The following CHN1 variants were observed in gnomAD, a reference collection of about 807,000 sequenced individuals.
The protein encoded by CHN1 is N-chimaerin.
In CHN1, 37 loss-of-function variants were observed where a neutral mutation model predicts 59.5. The ratio of observed to expected loss-of-function variants is 0.62; its 90% confidence interval spans 0.48 to 0.82. The LOEUF is 0.82. Ranked by LOEUF, CHN1 falls within the 40% of genes least tolerant of loss-of-function variation. The probability of loss-of-function intolerance (pLI) is 0.00; values close to 1 mark genes in which losing one functional copy is unlikely to be tolerated. For synonymous variants in CHN1, 206 were observed against 200.4 expected (o/e 1.03, Z -0.24); for missense variants, 469 against 571.0 (o/e 0.82, Z 1.82).
chr2:174,957,263 A>C (rs1159454222), intron 1 of CHN1, among the ~76,000 whole-genome samples: 1 of 152,164 alleles, frequency 6.6e-6, no homozygotes, highest in Non-Finnish European at 1.5e-5. Context: ...ACAAAAATGT[A>C]AAAAAGTGTG....
intron 7 of CHN1, among the ~76,000 whole-genome samples, chr2:174,830,079 A>G (rs1268636952): frequency 6.6e-6 from 1 of 152,090 alleles, no homozygotes; most frequent in East Asian, 1.9e-4. Flanking sequence ...TAAAAATACA[A>G]AAGAATAGCC....
chr2:174,970,894 C>T (rs1690738643), intron 1 of CHN1, among the ~76,000 whole-genome samples: 1 of 152,174 alleles, frequency 6.6e-6, no homozygotes, highest in Non-Finnish European at 1.5e-5. Context: ...AGATTTTCTT[C>T]ATATATCCCA....
chr2:174,877,800 C>T (rs776548019), intron 6 of CHN1, 40 bp downstream of exon 6: 2 of 1,568,866 alleles, frequency 1.3e-6, no homozygotes, highest in Middle Eastern at 1.7e-4. Flanking sequence ...AAAAGAACCC[C>T]AAACAGAAAA....
At chr2:174,971,304 C>A (rs921658394) in intron 1 of CHN1, among the ~76,000 whole-genome samples, 1 of 151,988 alleles carries the variant, frequency 6.6e-6, no homozygotes, top group Admixed American at 6.6e-5. Flanking sequence ...GGTGACAGAG[C>A]GTGACTCCGT....
chr2:174,927,483 G>C (rs138852854), intron 3 of CHN1, among the ~76,000 whole-genome samples: 1 of 152,074 alleles, frequency 6.6e-6, no homozygotes, highest in African/African-American at 2.4e-5. Context: ...GAAGTATTTT[G>C]CTCTCCACAG....
In CHN1 at chr2:174,894,450, C is replaced by A. The variant is rs139837646; in HGVS notation, c.261-16322G>T. Among the ~76,000 whole-genome samples the A allele has an allele frequency of 1.0e-3, 156 of 152,006 alleles. 1 individual carries two copies. The highest frequency in any genetic ancestry group is 1.3e-4 in the Non-Finnish European group (9 of 67,914). On this transcript the variant is annotated intron_variant, in intron 5 of 12. Coordinates refer to ENST00000409900, the MANE Select transcript of CHN1 (RefSeq NM_001822.7). The stretch of plus-strand genomic sequence containing the variant: ...CACTCCATGCCCATTAAAATGACCA[C>A]TACCAAAAAAACCAGAAAATAACAA...
At position 175,005,027 on chromosome 2, in the gene CHN1, C is replaced by A; in HGVS notation, c.-115G>T. 7.0e-7 allele frequency: 1 copy of A among 1,421,470 alleles called. No homozygotes were observed. The highest frequency in any genetic ancestry group is 1.3e-5 in the South Asian group (1 of 74,852). 88.1% of individuals were successfully genotyped at this position (1,421,470 alleles called of 1,614,324 possible). On this transcript the variant is annotated 5_prime_UTR_variant, in exon 1 of 13. Transcript: ENST00000409900. ...GGAGAGAGTGGGGTGCCCGATGGGG[C>A]GTGCTGGGGGCGCCGGCGCCCGGGG...
intron 6 of CHN1, among the ~76,000 whole-genome samples, chr2:174,851,581 G>C (rs970122011): frequency 1.3e-5 from 2 of 152,170 alleles, no homozygotes; most frequent in African/African-American, 4.8e-5. Flanking sequence ...CGCACCCAGT[G>C]ATCCTGCCCA....
Position 174,871,535 on chromosome 2 carries a change from A to C in CHN1, c.549+6305T>G, listed in dbSNP as rs374120310. On this transcript the variant is annotated intron_variant, in intron 6 of 12. Coordinates refer to ENST00000409900, the MANE Select transcript of CHN1 (RefSeq NM_001822.7). The stretch of plus-strand genomic sequence containing the variant: ...ACAAATGAAACAATACTGGGGGAAA[A>C]AAGCCTTGAAACTGCGGTGGAATGC... Among the ~76,000 whole-genome samples, 16 of 152,274 alleles carry C rather than the reference A, an allele frequency of 1.1e-4. No individual in the cohort carries two copies. The East Asian group carries it at 1.5e-3, about 15-fold the overall frequency.
chr2:174,932,435 G>GT (rs1689376691), intron 3 of CHN1, among the ~76,000 whole-genome samples: 1 of 152,170 alleles, frequency 6.6e-6, no homozygotes, highest in Non-Finnish European at 1.5e-5. Context: ...TCAAATTGAC[G>GT]TAAGTATCTA....
chr2:174,843,301 G>A (rs1686379527), intron 7 of CHN1, among the ~76,000 whole-genome samples: 2 of 152,084 alleles, frequency 1.3e-5, no homozygotes, highest in South Asian at 2.1e-4. Context: ...GTTCAGTGAT[G>A]TGATCTCGGC....
intron 1 of CHN1, among the ~76,000 whole-genome samples, chr2:174,994,193 T>C (rs1350989132): frequency 6.6e-6 from 1 of 152,240 alleles, no homozygotes. Flanking sequence ...TGGTTAGTAA[T>C]ATTAGAGTTA....
chr2:174,815,610 G>C (rs879447867), intron 8 of CHN1, among the ~76,000 whole-genome samples: 1 of 83,696 alleles, frequency 1.2e-5, no homozygotes, highest in Non-Finnish European at 2.6e-5. Context: ...TTTTTCATTT[G>C]TTTCAAGAGT....
chr2:174,872,234 T>C (rs1415925565), intron 6 of CHN1, among the ~76,000 whole-genome samples: 3 of 152,166 alleles, frequency 2.0e-5, no homozygotes, highest in Non-Finnish European at 4.4e-5. Context: ...CAGTGAGCCA[T>C]GTTTGCATCA....
intron 6 of CHN1, among the ~76,000 whole-genome samples, chr2:174,867,605 T>C (rs1687264780): frequency 6.6e-6 from 1 of 152,100 alleles, no homozygotes; most frequent in East Asian, 1.9e-4. Context: ...AACAGAGCCA[T>C]GATGGTCTTG....
intron 5 of CHN1, among the ~76,000 whole-genome samples, chr2:174,895,924 T>A (rs532525299): frequency 1.3e-5 from 2 of 152,090 alleles, no homozygotes; most frequent in Admixed American, 1.3e-4. Context: ...AATCAAGACA[T>A]TGAAACATTT....
At chr2:174,895,211 TATACACACAC>T (rs1226220525) in intron 5 of CHN1, among the ~76,000 whole-genome samples, 12 of 142,108 alleles carry the variant, frequency 8.4e-5, no homozygotes, top group Middle Eastern at 3.7e-3. Flanking sequence ...TATATATATA[TATACACACAC>T]ACACACACAC....
chr2:174,851,368 C>T (rs1574088792), intron 6 of CHN1, among the ~76,000 whole-genome samples: 1 of 151,910 alleles, frequency 6.6e-6, no homozygotes, highest in Non-Finnish European at 1.5e-5. Flanking sequence ...CAGCCTCAAC[C>T]TCCTGGGCTC....
At chr2:174,989,929 C>T (rs1020156282) in intron 1 of CHN1, among the ~76,000 whole-genome samples, 2 of 152,078 alleles carry the variant, frequency 1.3e-5, no homozygotes, top group African/African-American at 4.8e-5. Context: ...CTGGTACAAA[C>T]AGATAAGACC....
Sources: gnomAD v4.1 joint callset for allele counts (sites outside exome capture counted in the v4.1 genomes callset) on GRCh38, gnomAD v4.1.1 for gene constraint, MANE v1.5 for transcripts, NCBI Gene and HGNC (gene_info 2026-07-23, HGNC 2026-07-21) for gene names.